The following IL27RA variants were observed in gnomAD, a reference collection of about 807,000 sequenced individuals.
IL27RA encodes interleukin-27 receptor subunit alpha.
In IL27RA, 61 loss-of-function variants were observed where a neutral mutation model predicts 80.8. The observed-to-expected ratio is 0.76, with a 90% CI of 0.61 to 0.93. The LOEUF is 0.93. Ranked by LOEUF, IL27RA falls within the 40% of genes least tolerant of loss-of-function variation. The pLI is 0.00. For missense variants in IL27RA, 735 were observed against 808.1 expected, an observed-to-expected ratio of 0.91 and a Z score of 1.10; for synonymous variants, 316 against 332.5, an observed-to-expected ratio of 0.95 and a Z score of 0.54.
In IL27RA at chr19:14,042,697, G is replaced by A. The variant is rs747764749; in HGVS notation, c.695-19G>A. 18 of 1,613,868 alleles carry A rather than the reference G, an allele frequency of 1.1e-5. No individual in the cohort carries two copies. Among genetic ancestry groups the A allele is most frequent in the Admixed American group, 1.0e-4 (6 of 59,956 alleles). The stretch of plus-strand genomic sequence containing the variant: ...ATCATGTCCCACTCATTTGTTCCCC[G>A]TTTCCTCATCCTTGCCAGCTCCAAA... On this transcript the variant is annotated intron_variant, in intron 5 of 13. Transcript: ENST00000263379.
intron 2 of IL27RA, among the ~76,000 whole-genome samples, chr19:14,033,589 C>G (rs1416817778): frequency 2.0e-5 from 3 of 151,580 alleles, no homozygotes; most frequent in Non-Finnish European, 4.4e-5. Context: ...CACTTGAACC[C>G]AGGAGGCAGA....
rs1976173742 is a variant in IL27RA at position 14,051,950 on chromosome 19, A to G, written c.1693A>G (p.Ser565Gly). ...GAAAGTTCCTGATCCTGCCAACAGCAGTTCAGGCCAGCCCCACATGGAGGT... is the reference window on the plus strand; with the variant it reads ...GAAAGTTCCTGATCCTGCCAACAGCGGTTCAGGCCAGCCCCACATGGAGGT... ...WEKVPDPANS[S>G]SGQPHMEQVP... is the part of the protein sequence containing the mutation. The change falls in exon 13 of 14, where the codon AGT becomes GGT. Residue 565 changes from serine (S) to glycine (G), a missense_variant. By Grantham distance (56) the Ser-to-Gly change is moderately conservative. Transcript: ENST00000263379. 3.2e-6 allele frequency: 5 copies of G among 1,584,360 alleles called. No homozygotes were observed. Among genetic ancestry groups the G allele is most frequent in the Non-Finnish European group, 4.3e-6 (5 of 1,164,176 alleles).
At chr19:14,036,583 G>A (rs1039809877) in intron 2 of IL27RA, among the ~76,000 whole-genome samples, 3 of 148,100 alleles carry the variant, frequency 2.0e-5, no homozygotes, top group East Asian at 2.0e-4. Flanking sequence ...CTGCCTCCCC[G>A]GTCCAAGCGA....
At chr19:14,051,537 G>C (rs1363317877) in intron 11 of IL27RA, 70 bp from the exon 12 acceptor site, 2 of 903,132 alleles carry the variant, frequency 2.2e-6, no homozygotes, top group Non-Finnish European at 3.1e-6. Flanking sequence ...GCAAGACTCT[G>C]TCTCAAAAAT....
rs1449000116 is a variant in IL27RA, at chr19:14,042,401, A to T, written c.535-52A>T. The T allele has an allele frequency of 1.2e-5, 18 of 1,558,510 alleles. No homozygotes were observed. The East Asian group carries it at 4.1e-4, about 35-fold the overall frequency. On this transcript the variant is annotated intron_variant, in intron 4 of 13. Transcript: ENST00000263379. ...AGGAAAAAAAAAAAGATAAGTTCAA[A>T]TACCCTTGACTCAGGCCCTGGGCCC... is the stretch of plus-strand genomic sequence containing the variant.
intron 2 of IL27RA, among the ~76,000 whole-genome samples, chr19:14,035,175 T>G (rs1460689159): frequency 6.6e-6 from 1 of 151,826 alleles, no homozygotes; most frequent in Non-Finnish European, 1.5e-5. Flanking sequence ...ATATATATTT[T>G]TAGTAGACAC....
At chr19:14,032,634 CAAAAAAAAA>C (rs766574764) in intron 2 of IL27RA, 131 bp downstream of exon 2, 3 of 93,684 alleles carry the variant, frequency 3.2e-5, no homozygotes, top group African/African-American at 5.9e-5. Context: ...ACTAAAAATA[CAAAAAAAAA>C]AAAAAAAAAA....
intron 6 of IL27RA, among the ~76,000 whole-genome samples, chr19:14,045,675 A>G (rs1288987225): frequency 6.6e-6 from 1 of 151,640 alleles, no homozygotes; most frequent in Non-Finnish European, 1.5e-5. Context: ...ACAATACTGC[A>G]TTAAAATATT....
intron 11 of IL27RA, among the ~76,000 whole-genome samples, chr19:14,051,342 C>G (rs1027325067): frequency 6.6e-6 from 1 of 151,972 alleles, no homozygotes; most frequent in Admixed American, 6.6e-5. Flanking sequence ...GTCAGGAGTT[C>G]GAGACCAGCC....
chr19:14,044,622 A>G (rs960335571), intron 6 of IL27RA, among the ~76,000 whole-genome samples: 1 of 152,048 alleles, frequency 6.6e-6, no homozygotes, highest in Non-Finnish European at 1.5e-5. Context: ...TGGAACCAAG[A>G]CCAGGGTTAG....
intron 2 of IL27RA, among the ~76,000 whole-genome samples, chr19:14,036,840 A>AC (rs1555764734): frequency 7.7e-6 from 1 of 129,518 alleles, no homozygotes; most frequent in Non-Finnish European, 1.7e-5. Flanking sequence ...TGTATACCAC[A>AC]TTTTTTTTTT....
At chr19:14,046,068 G>C in intron 6 of IL27RA, 86 bp from the exon 7 acceptor site, 1 of 1,268,054 alleles carries the variant, frequency 7.9e-7, no homozygotes, top group Non-Finnish European at 1.1e-6. Flanking sequence ...TTCACTGACC[G>C]GTGGTTTATC....
At chr19:14,042,338 C>A in intron 4 of IL27RA, 115 bp from the exon 5 acceptor site, 1 of 1,134,110 alleles carries the variant, frequency 8.8e-7, no homozygotes, top group Non-Finnish European at 1.3e-6. Flanking sequence ...TGCACTCTAG[C>A]CTGGGCCACA....
chr19:14,040,637 A>G (rs141608553), intron 4 of IL27RA, among the ~76,000 whole-genome samples: 175 of 152,136 alleles, frequency 1.2e-3, no homozygotes, highest in African/African-American at 4.1e-3. Context: ...CCTGGCCAAC[A>G]TGGTGAAACC....
chr19:14,052,034 G>T lies in IL27RA; in HGVS notation c.1716+61G>T, dbSNP rs1976176987. On this transcript the variant is annotated intron_variant, in intron 13 of 13. Transcript: ENST00000263379. The stretch of plus-strand genomic sequence containing the variant: ...GGGACTGGGGAGTCCTGGGGCAGTG[G>T]GGAGGGGGTGAGGTGTGGGTCGGGG... 4.4e-6 allele frequency: 7 copies of T among 1,576,974 alleles called. No homozygotes were observed. The Admixed American group carries it at 1.3e-4, about 29-fold the overall frequency.
chr19:14,044,400 C>T lies in IL27RA; in HGVS notation c.768+1611C>T, dbSNP rs371889063. On this transcript the variant is annotated intron_variant, in intron 6 of 13. Transcript: ENST00000263379. The stretch of plus-strand genomic sequence containing the variant: ...GATTATAGGCGCCCGCCACCACACC[C>T]GGCTAATTTTTGTATTTTTAGTAGA... 1.7e-4 allele frequency among the ~76,000 whole-genome samples: 26 copies of T among 152,052 alleles called. No homozygotes were observed. In the South Asian group the frequency reaches 3.5e-3, roughly 21 times the overall value.
At chr19:14,043,528 C>T (rs1034869181) in intron 6 of IL27RA, among the ~76,000 whole-genome samples, 1 of 151,208 alleles carries the variant, frequency 6.6e-6, no homozygotes, top group South Asian at 2.1e-4. Flanking sequence ...AGGTTCAAGC[C>T]ATTCTCTGCC....
Position 14,052,394 on chromosome 19 carries a change from C to A in IL27RA, c.*104C>A. 1.1e-6 allele frequency: 1 copy of A among 942,976 alleles called. No individual in the cohort carries two copies. Among genetic ancestry groups the A allele is most frequent in the Non-Finnish European group, 1.5e-6 (1 of 664,460 alleles). The allele number at this position is 942,976 out of a possible 1,614,324, so 58.4% of individuals were successfully genotyped here. ...TCTTGATGGATGAAGACACTGAGGA[C>A]TCAGAGAGGCTGAGTCACTTACCTG... On this transcript the variant is annotated 3_prime_UTR_variant, in exon 14 of 14. Transcript: ENST00000263379.
intron 8 of IL27RA, 150 bp downstream of exon 8, chr19:14,046,768 G>T (rs1976074053): frequency 4.2e-6 from 3 of 720,976 alleles, no homozygotes; most frequent in Admixed American, 6.1e-5. Context: ...AGGCCGAAAG[G>T]GGCGGATCAC....
Sources: allele counts gnomAD v4.1 joint callset (sites outside exome capture counted in the v4.1 genomes callset), GRCh38; gene constraint gnomAD v4.1.1; transcripts MANE v1.5; gene names NCBI Gene and HGNC (gene_info 2026-07-23, HGNC 2026-07-21).